DACH1: variants seen among roughly 807,000 people sequenced by gnomAD.
DACH1 encodes dachshund homolog 1.
Under a neutral mutation model 54.2 loss-of-function variants are expected in DACH1, and 12 were observed. The observed-to-expected ratio is 0.22, with a 90% CI of 0.14 to 0.36. The LOEUF is 0.36. Among genes scored for constraint, DACH1 ranks in the 10% least tolerant of loss-of-function variants. The pLI, the probability that DACH1 is intolerant of heterozygous loss-of-function variation, is 1.00. For missense variants in DACH1, 805 were observed against 929.8 expected, an observed-to-expected ratio of 0.87 and a Z score of 1.75; for synonymous variants, 386 against 366.2, an observed-to-expected ratio of 1.05 and a Z score of -0.62.
chr13:71,540,832 C>T (rs1306766203), intron 6 of DACH1, among the ~76,000 whole-genome samples: 1 of 151,770 alleles, frequency 6.6e-6, no homozygotes, highest in East Asian at 1.9e-4. Flanking sequence ...TATAATATTG[C>T]CTAAATTAAA....
chr13:71,643,510 C>G (rs527394690), intron 2 of DACH1, among the ~76,000 whole-genome samples: 4 of 152,222 alleles, frequency 2.6e-5, no homozygotes, highest in Non-Finnish European at 5.9e-5. Flanking sequence ...CACACGGAGT[C>G]TGTTGCATTA....
intron 2 of DACH1, among the ~76,000 whole-genome samples, chr13:71,666,935 C>T (rs1879879493): frequency 6.6e-6 from 1 of 151,970 alleles, no homozygotes; most frequent in Non-Finnish European, 1.5e-5. Flanking sequence ...GAGATCATGC[C>T]ATTGCACTCC....
At chr13:71,653,071 C>T (rs1414585371) in intron 2 of DACH1, among the ~76,000 whole-genome samples, 1 of 152,118 alleles carries the variant, frequency 6.6e-6, no homozygotes, top group African/African-American at 2.4e-5. Flanking sequence ...TTTGGTTAAA[C>T]TGTATGAAAT....
Position 71,783,579 on chromosome 13 carries a change from A to G in DACH1, c.848+82343T>C, listed in dbSNP as rs112086322. Among the ~76,000 whole-genome samples the G allele has an allele frequency of 6.6e-3, 1,005 of 152,244 alleles. 3 individuals are homozygous for G. Among genetic ancestry groups the G allele is most frequent in the African/African-American group, 0.023 (956 of 41,558 alleles). ...TTGTACCAGGGAACCAGAATACAGA[A>G]ACGATAACCAACGATACCTGCCCCC... is the stretch of plus-strand genomic sequence containing the variant. On this transcript the variant is annotated intron_variant, in intron 1 of 10. Coordinates refer to ENST00000613252, the MANE Select transcript of DACH1 (RefSeq NM_080759.6).
chr13:71,500,704 T>G (rs1016753502), intron 6 of DACH1, among the ~76,000 whole-genome samples: 1 of 152,116 alleles, frequency 6.6e-6, no homozygotes, highest in African/African-American at 2.4e-5. Flanking sequence ...TTAGACGAAA[T>G]ACATGGAAAG....
chr13:71,769,871 C>T (rs975260087), intron 1 of DACH1, among the ~76,000 whole-genome samples: 4 of 151,660 alleles, frequency 2.6e-5, no homozygotes, highest in Middle Eastern at 6.8e-3. Context: ...AGATGATTTA[C>T]ATGAATAAAA....
At chr13:71,854,738 G>C (rs1044027715) in intron 1 of DACH1, among the ~76,000 whole-genome samples, 2 of 152,092 alleles carry the variant, frequency 1.3e-5, no homozygotes, top group Admixed American at 1.3e-4. Context: ...GTTAGAGAGA[G>C]TGGAGTGCAA....
At chr13:71,768,157 T>A (rs1242521576) in intron 1 of DACH1, among the ~76,000 whole-genome samples, 1 of 151,994 alleles carries the variant, frequency 6.6e-6, no homozygotes, top group African/African-American at 2.4e-5. Flanking sequence ...TCAATCACAT[T>A]ACTTGACCTC....
intron 1 of DACH1, among the ~76,000 whole-genome samples, chr13:71,848,531 A>G (rs1381016907): frequency 6.6e-6 from 1 of 151,972 alleles, no homozygotes; most frequent in African/African-American, 2.4e-5. Context: ...AATTCTAAAC[A>G]GAAAACAACT....
chr13:71,794,144 C>T (rs1398913189), intron 1 of DACH1, among the ~76,000 whole-genome samples: 1 of 152,116 alleles, frequency 6.6e-6, no homozygotes, highest in Non-Finnish European at 1.5e-5. Context: ...TTTACCCAGC[C>T]TGTCCAAGCC....
At chr13:71,819,111 C>A (rs1888086641) in intron 1 of DACH1, among the ~76,000 whole-genome samples, 1 of 152,108 alleles carries the variant, frequency 6.6e-6, no homozygotes, top group Non-Finnish European at 1.5e-5. Flanking sequence ...AGGAGATCAA[C>A]CAGTTGCTGC....
At chr13:71,688,081 A>G (rs1034011083) in intron 1 of DACH1, among the ~76,000 whole-genome samples, 1 of 152,192 alleles carries the variant, frequency 6.6e-6, no homozygotes, top group African/African-American at 2.4e-5. Flanking sequence ...TTTCCATTTG[A>G]GTTCTAAAAT....
intron 3 of DACH1, among the ~76,000 whole-genome samples, chr13:71,574,998 T>C (rs1478320972): frequency 2.0e-5 from 3 of 152,028 alleles, no homozygotes; most frequent in African/African-American, 7.2e-5. Flanking sequence ...AAATGTATGA[T>C]ATCAAGAGAT....
intron 10 of DACH1, among the ~76,000 whole-genome samples, chr13:71,450,528 G>A (rs536375736): frequency 2.0e-5 from 3 of 151,884 alleles, no homozygotes; most frequent in Admixed American, 1.3e-4. Flanking sequence ...TTGAAATTAC[G>A]TCAATTAATA....
chr13:71,787,723 C>A (rs971059317), intron 1 of DACH1, among the ~76,000 whole-genome samples: 1 of 152,094 alleles, frequency 6.6e-6, no homozygotes, highest in Non-Finnish European at 1.5e-5. Flanking sequence ...TGTGGGTCTG[C>A]GCTACAGTCT....
At chr13:71,507,864 T>G (rs1880456135) in intron 6 of DACH1, among the ~76,000 whole-genome samples, 1 of 152,232 alleles carries the variant, frequency 6.6e-6, no homozygotes, top group Non-Finnish European at 1.5e-5. Context: ...GTCCTGCCAA[T>G]GTTAATATAT....
intron 6 of DACH1, among the ~76,000 whole-genome samples, chr13:71,515,217 G>C (rs753666045): frequency 1.3e-5 from 2 of 151,862 alleles, no homozygotes; most frequent in African/African-American, 4.8e-5. Flanking sequence ...AGATAATATT[G>C]AAGTAAAAAT....
intron 2 of DACH1, among the ~76,000 whole-genome samples, chr13:71,668,522 T>C (rs1386653154): frequency 6.6e-6 from 1 of 152,086 alleles, no homozygotes; most frequent in Admixed American, 6.6e-5. Context: ...CACAAAATTC[T>C]ATATATAATA....
At chr13:71,831,216 G>T (rs1888576501) in intron 1 of DACH1, among the ~76,000 whole-genome samples, 1 of 151,748 alleles carries the variant, frequency 6.6e-6, no homozygotes, top group Non-Finnish European at 1.5e-5. Context: ...TATTTCCTCA[G>T]TAACTCTTAA....
Sources: allele counts gnomAD v4.1 joint callset (sites outside exome capture counted in the v4.1 genomes callset), GRCh38; gene constraint gnomAD v4.1.1; transcripts MANE v1.5; gene names NCBI Gene and HGNC (gene_info 2026-07-23, HGNC 2026-07-21).